CAST: variants seen among roughly 807,000 people sequenced by gnomAD.
CAST encodes the protein calpastatin.
Under a neutral mutation model 119.6 loss-of-function variants are expected in CAST, and 76 were observed. The ratio of observed to expected loss-of-function variants is 0.64; its 90% CI spans 0.53 to 0.77. CAST has a LOEUF of 0.77. Among genes scored for constraint, CAST ranks in the 30% least tolerant of loss-of-function variants. The pLI is 0.00. For synonymous variants in CAST, 319 were observed against 331.6 expected (o/e 0.96, Z 0.41); for missense variants, 953 against 946.5 (o/e 1.01, Z -0.09).
the CAST span, among the ~76,000 whole-genome samples, chr5:96,007,132 G>A: frequency 6.6e-6 from 1 of 152,156 alleles, no homozygotes; most frequent in African/African-American, 2.4e-5. Flanking sequence ...TGACCAGTTT[G>A]CTTCCATTAA....
intron 1 of CAST, among the ~76,000 whole-genome samples, chr5:96,647,542 T>A (rs974056966): frequency 2.0e-5 from 3 of 152,166 alleles, no homozygotes; most frequent in Admixed American, 6.5e-5. Flanking sequence ...TATGTTGAAG[T>A]CCTAACCCCA....
At chr5:96,414,137 T>TA in the CAST span, among the ~76,000 whole-genome samples, 5,670 of 124,680 alleles carry the variant, frequency 0.045, 133 homozygotes, top group Non-Finnish European at 0.064. Flanking sequence ...AGACTCTGTC[T>TA]AAAAAAAAAA....
At chr5:96,719,834 G>A (rs975641987) in intron 3 of CAST, among the ~76,000 whole-genome samples, 3 of 152,178 alleles carry the variant, frequency 2.0e-5, no homozygotes, top group African/African-American at 7.2e-5. Context: ...GGCGTACACA[G>A]CTCGGAGGGT....
At chr5:96,697,002 A>C (rs1287742357) in intron 3 of CAST, among the ~76,000 whole-genome samples, 1 of 151,976 alleles carries the variant, frequency 6.6e-6, no homozygotes, top group East Asian at 1.9e-4. Context: ...CTCTACTAAA[A>C]ATACAAAAAT....
chr5:96,085,578 C>T, the CAST span, among the ~76,000 whole-genome samples: 1 of 152,164 alleles, frequency 6.6e-6, no homozygotes, highest in Non-Finnish European at 1.5e-5. Context: ...TAAATAATAC[C>T]TTGAAAGTCA....
chr5:96,072,680 T>C, the CAST span, among the ~76,000 whole-genome samples: 3 of 152,214 alleles, frequency 2.0e-5, no homozygotes, highest in South Asian at 2.1e-4. Flanking sequence ...GCTACTTTTG[T>C]TGTGGGTGTT....
chr5:96,671,252 C>G (rs923054001), intron 1 of CAST, among the ~76,000 whole-genome samples: 45 of 152,108 alleles, frequency 3.0e-4, no homozygotes, highest in African/African-American at 1.1e-3. Context: ...AAATTCTTTA[C>G]TATGGCATCC....
chr5:96,684,109 A>G (rs1176014860), intron 2 of CAST, among the ~76,000 whole-genome samples: 1 of 152,160 alleles, frequency 6.6e-6, no homozygotes, highest in Non-Finnish European at 1.5e-5. Flanking sequence ...GCTAATTCCT[A>G]GCTCTGTGTC....
At chr5:96,445,435 C>A in the CAST span, among the ~76,000 whole-genome samples, 1 of 152,184 alleles carries the variant, frequency 6.6e-6, no homozygotes, top group Non-Finnish European at 1.5e-5. Flanking sequence ...TCTTGCTCTG[C>A]AGAAAAGAAC....
At chr5:96,668,026 GAATA>G (rs1215719594) in intron 1 of CAST, among the ~76,000 whole-genome samples, 4 of 152,058 alleles carry the variant, frequency 2.6e-5, no homozygotes, top group East Asian at 1.9e-4. Context: ...ATAAATAAAT[GAATA>G]AATAAATAAA....
the CAST span, chr5:96,421,993 TAAAAAAAAAAAAAAAA>T: frequency 8.4e-6 from 3 of 355,780 alleles, no homozygotes; most frequent in African/African-American, 1.0e-4. Flanking sequence ...GTGGCAGCAT[TAAAAAAAAAAAAAAAA>T]AAAAAAAAAA....
intron 11 of CAST, among the ~76,000 whole-genome samples, chr5:96,738,553 G>T (rs559674476): frequency 2.0e-5 from 3 of 152,026 alleles, no homozygotes; most frequent in Non-Finnish European, 4.4e-5. Flanking sequence ...TAATGGACTA[G>T]AACTTGTTTT....
intron 3 of CAST, chr5:96,714,945 C>T (rs1756934154): frequency 6.7e-6 from 1 of 148,820 alleles, no homozygotes; most frequent in Non-Finnish European, 1.5e-5. Flanking sequence ...GGTATCAGAG[C>T]TCATAATCAG....
chr5:96,030,511 G>C, the CAST span, among the ~76,000 whole-genome samples: 6 of 152,140 alleles, frequency 3.9e-5, no homozygotes, highest in East Asian at 1.2e-3. Flanking sequence ...GACTGGTAGG[G>C]ATAGGCTCAT....
chr5:96,640,032 T>C (rs1015366712), intron 1 of CAST, among the ~76,000 whole-genome samples: 8 of 152,172 alleles, frequency 5.3e-5, no homozygotes, highest in African/African-American at 1.9e-4. Context: ...TCCTTATAAA[T>C]AGGCAAAGAT....
intron 1 of CAST, among the ~76,000 whole-genome samples, chr5:96,624,929 C>T (rs1008348450): frequency 2.0e-5 from 3 of 152,172 alleles, no homozygotes; most frequent in Admixed American, 1.3e-4. Flanking sequence ...CATGGCAACA[C>T]GTGGATTCAA....
At chr5:96,598,281 T>C (rs1459104667) in intron 1 of CAST, among the ~76,000 whole-genome samples, 1 of 152,174 alleles carries the variant, frequency 6.6e-6, no homozygotes, top group Non-Finnish European at 1.5e-5. Flanking sequence ...ATAACTTTTT[T>C]TTGCCTTTCA....
the CAST span, among the ~76,000 whole-genome samples, chr5:96,306,646 G>T: frequency 2.0e-5 from 3 of 152,052 alleles, no homozygotes; most frequent in Non-Finnish European, 4.4e-5. Flanking sequence ...CTGGTACATT[G>T]TGTCTTTGTT....
chr5:96,334,930 G>A, the CAST span, among the ~76,000 whole-genome samples: 1 of 152,032 alleles, frequency 6.6e-6, no homozygotes, highest in Admixed American at 6.6e-5. Context: ...TCCATTTCTT[G>A]CCTCACCCAT....
Sources: allele counts gnomAD v4.1 joint callset (sites outside exome capture counted in the v4.1 genomes callset), GRCh38; gene constraint gnomAD v4.1.1; transcripts MANE v1.5; gene names NCBI Gene and HGNC (gene_info 2026-07-23, HGNC 2026-07-21).